The following SULF2 variants were observed in gnomAD, a reference collection of about 807,000 sequenced individuals.
SULF2 encodes the protein sulfatase 2, also known as extracellular sulfatase Sulf-2.
A neutral mutation model predicts 107.7 loss-of-function variants in SULF2; 52 were observed. The observed-to-expected ratio is 0.48, with a 90% CI of 0.39 to 0.61. SULF2 has a LOEUF of 0.61. Among genes scored for constraint, SULF2 ranks in the 20% least tolerant of loss-of-function variants. The pLI is 0.00. For missense variants in SULF2, 993 were observed against 1,177.3 expected (o/e 0.84, Z 2.29); for synonymous variants, 460 against 464.3 (o/e 0.99, Z 0.12).
intron 1 of SULF2, among the ~76,000 whole-genome samples, chr20:47,760,022 G>A (rs2090383969): frequency 6.6e-6 from 1 of 152,240 alleles, no homozygotes; most frequent in African/African-American, 2.4e-5. Flanking sequence ...AAGGTCCTTT[G>A]AGTTCTGCAG....
intron 3 of SULF2, among the ~76,000 whole-genome samples, chr20:47,718,001 T>G (rs2146681202): frequency 6.6e-6 from 1 of 152,144 alleles, no homozygotes; most frequent in South Asian, 2.1e-4. Flanking sequence ...GTATTTTTAG[T>G]AGAGATGGGA....
intron 4 of SULF2, among the ~76,000 whole-genome samples, chr20:47,701,819 G>A (rs551538948): frequency 4.6e-5 from 7 of 152,282 alleles, no homozygotes; most frequent in Admixed American, 2.0e-4. Context: ...CTGAATCATC[G>A]TTATCCTCGC....
At chr20:47,757,589 CAG>C in intron 1 of SULF2, 126 bp from the exon 2 acceptor site, 1 of 511,186 alleles carries the variant, frequency 2.0e-6, no homozygotes, top group East Asian at 3.1e-5. Flanking sequence ...GTGGCTATGG[CAG>C]AGTGAAAACC....
chr20:47,688,156 T>C (rs1281201039), intron 5 of SULF2, among the ~76,000 whole-genome samples: 1 of 152,064 alleles, frequency 6.6e-6, no homozygotes, highest in Non-Finnish European at 1.5e-5. Context: ...AGGGGAGAGA[T>C]GGGATAGGAG....
intron 10 of SULF2, 44 bp downstream of exon 10, chr20:47,676,450 C>T (rs1229499095): frequency 9.4e-6 from 15 of 1,591,736 alleles, no homozygotes; most frequent in Non-Finnish European, 1.2e-5. Flanking sequence ...GGGCCGGCTG[C>T]AGTCAGGAGG....
intron 3 of SULF2, among the ~76,000 whole-genome samples, chr20:47,715,859 G>A (rs1005594730): frequency 2.6e-5 from 4 of 152,218 alleles, no homozygotes; most frequent in African/African-American, 4.8e-5. Flanking sequence ...GATTACAGGC[G>A]TGAGCCACTG....
At chr20:47,685,803 C>T (rs1451127055) in intron 5 of SULF2, 1 of 152,340 alleles carries the variant, frequency 6.6e-6, no homozygotes, top group Non-Finnish European at 1.5e-5. Context: ...GCATGAGCCA[C>T]TGCACCTGGC....
chr20:47,695,776 C>T (rs1357191049), intron 4 of SULF2, among the ~76,000 whole-genome samples: 1 of 152,180 alleles, frequency 6.6e-6, no homozygotes, highest in African/African-American at 2.4e-5. Flanking sequence ...CCATGTCCAG[C>T]TAATTTTTGT....
intron 14 of SULF2, among the ~76,000 whole-genome samples, chr20:47,664,443 A>C (rs1180431721): frequency 1.3e-5 from 2 of 152,184 alleles, no homozygotes; most frequent in African/African-American, 4.8e-5. Context: ...GGTTAATTGT[A>C]ATTTAGCCAC....
chr20:47,733,390 C>G (rs530504136), intron 3 of SULF2, among the ~76,000 whole-genome samples: 1 of 152,234 alleles, frequency 6.6e-6, no homozygotes, highest in South Asian at 2.1e-4. Flanking sequence ...ACATTATATT[C>G]CTCCCTACAC....
chr20:47,781,398 C>CT (rs2090831521), intron 1 of SULF2, among the ~76,000 whole-genome samples: 1 of 152,228 alleles, frequency 6.6e-6, no homozygotes, highest in Non-Finnish European at 1.5e-5. Context: ...AGTCAGCCTC[C>CT]ATCCAGCTCC....
rs932233917 is a variant in SULF2 at position 47,672,180 on chromosome 20, C to T, written c.1576+18G>A. On this transcript the variant is annotated intron_variant, in intron 11 of 20. Coordinates refer to ENST00000688720, the MANE Select transcript of SULF2 (RefSeq NM_001387048.1). ...GTCTCTCTCCTCCTGTCCCACTCAG[C>T]CAGGTTGTGACACTTACTCTTCTTG... 13 of 1,590,012 alleles carry T rather than the reference C, an allele frequency of 8.2e-6. No homozygotes were observed. Among genetic ancestry groups the T allele is most frequent in the South Asian group, 1.1e-5 (1 of 89,102 alleles).
chr20:47,779,731 C>T (rs1022158882), intron 1 of SULF2, among the ~76,000 whole-genome samples: 7 of 152,228 alleles, frequency 4.6e-5, no homozygotes, highest in African/African-American at 1.2e-4. Context: ...TGCAGCCTCC[C>T]GAGTAACTGG....
chr20:47,737,309 T>C (rs559899701), intron 2 of SULF2, among the ~76,000 whole-genome samples: 11 of 151,614 alleles, frequency 7.3e-5, no homozygotes, highest in African/African-American at 2.7e-4. Context: ...ATCAAACTGT[T>C]TTACAAATTT....
intron 14 of SULF2, 100 bp from the exon 15 acceptor site, chr20:47,664,289 G>A: frequency 8.4e-7 from 1 of 1,194,720 alleles, no homozygotes; most frequent in South Asian, 1.3e-5. Flanking sequence ...TGTTGCTGCT[G>A]CCCCACCCCT....
At chr20:47,778,296 G>A (rs2090761262) in intron 1 of SULF2, among the ~76,000 whole-genome samples, 1 of 152,204 alleles carries the variant, frequency 6.6e-6, no homozygotes, top group African/African-American at 2.4e-5. Context: ...ACTATTTGTG[G>A]TCCCTGGGGA....
intron 5 of SULF2, chr20:47,686,240 T>G (rs2087999802): frequency 6.6e-6 from 1 of 152,258 alleles, no homozygotes; most frequent in Non-Finnish European, 1.5e-5. Flanking sequence ...GTCCCCAAAC[T>G]TCTCTGATCC....
At chr20:47,773,747 CCTAA>C (rs1463099837) in intron 1 of SULF2, among the ~76,000 whole-genome samples, 3 of 152,372 alleles carry the variant, frequency 2.0e-5, no homozygotes, top group South Asian at 2.1e-4. Flanking sequence ...ATTATTCACG[CCTAA>C]CTGTGGGCTG....
chr20:47,722,463 T>C (rs2089321181), intron 3 of SULF2, among the ~76,000 whole-genome samples: 1 of 152,080 alleles, frequency 6.6e-6, no homozygotes, highest in South Asian at 2.1e-4. Context: ...GGTCTCTCTA[T>C]GTTGCCCAGG....
Sources: gnomAD v4.1 joint callset for allele counts (sites outside exome capture counted in the v4.1 genomes callset) on GRCh38, gnomAD v4.1.1 for gene constraint, MANE v1.5 for transcripts, NCBI Gene and HGNC (gene_info 2026-07-23, HGNC 2026-07-21) for gene names.